MAPK10: variants seen among roughly 807,000 people sequenced by gnomAD.
MAPK10 encodes JNK3 alpha protein kinase.
Under a neutral mutation model 59.3 loss-of-function variants are expected in MAPK10, and 25 were observed. The ratio of observed to expected loss-of-function variants is 0.42; its 90% CI spans 0.31 to 0.59. MAPK10 has a LOEUF of 0.59. Ranked by LOEUF, MAPK10 falls within the 20% of genes least tolerant of loss-of-function variation. MAPK10 has a pLI of 0.15. For missense variants in MAPK10, 351 were observed against 568.9 expected, an observed-to-expected ratio of 0.62 and a Z score of 3.90; for synonymous variants, 190 against 200.5, an observed-to-expected ratio of 0.95 and a Z score of 0.44.
intron 12 of MAPK10, among the ~76,000 whole-genome samples, chr4:86,030,835 T>C (rs1560728226): frequency 6.6e-6 from 1 of 152,238 alleles, no homozygotes; most frequent in Non-Finnish European, 1.5e-5. Flanking sequence ...CTTTCTCATA[T>C]TTATTCTATT....
chr4:86,078,074 A>T, intron 9 of MAPK10, among the ~76,000 whole-genome samples: 1 of 152,214 alleles, frequency 6.6e-6, no homozygotes, highest in East Asian at 1.9e-4. Context: ...GATCTACAAG[A>T]TTCTGAGTCC....
chr4:86,454,482 C>T (rs1008715059), upstream of MAPK10, among the ~76,000 whole-genome samples: 2 of 151,988 alleles, frequency 1.3e-5, no homozygotes, highest in African/African-American at 4.8e-5. Context: ...TCTGGAAAGT[C>T]TCAGCAATAG....
At chr4:86,524,267 C>T (rs905344440) in intron 1 of MAPK10, among the ~76,000 whole-genome samples, 2 of 152,162 alleles carry the variant, frequency 1.3e-5, no homozygotes, top group Non-Finnish European at 2.9e-5. Context: ...GTTATGGTAA[C>T]ACAAAATTGA....
At chr4:86,198,160 A>G (rs2081823490) in intron 2 of MAPK10, among the ~76,000 whole-genome samples, 1 of 152,114 alleles carries the variant, frequency 6.6e-6, no homozygotes, top group South Asian at 2.1e-4. Flanking sequence ...CCATCTTGCT[A>G]AGGATGATTA....
intron 2 of MAPK10, among the ~76,000 whole-genome samples, chr4:86,260,047 A>G (rs2093924168): frequency 6.6e-6 from 1 of 152,116 alleles, no homozygotes; most frequent in Non-Finnish European, 1.5e-5. Flanking sequence ...TAAGTTAATA[A>G]TAGCCATTCA....
intron 1 of MAPK10, among the ~76,000 whole-genome samples, chr4:86,581,861 G>T (rs1762295477): frequency 7.3e-6 from 1 of 137,562 alleles, no homozygotes; most frequent in South Asian, 2.3e-4. Context: ...GCACTGATAA[G>T]TTTCTGGAAA....
At chr4:86,170,167 A>T (rs2073625020) in intron 3 of MAPK10, among the ~76,000 whole-genome samples, 1 of 152,078 alleles carries the variant, frequency 6.6e-6, no homozygotes, top group African/African-American at 2.4e-5. Context: ...GAGCAAAATA[A>T]CCAGCTAACA....
At chr4:86,163,772 T>C (rs2070676855) in intron 3 of MAPK10, among the ~76,000 whole-genome samples, 1 of 133,466 alleles carries the variant, frequency 7.5e-6, no homozygotes, top group Non-Finnish European at 1.5e-5. Flanking sequence ...AGAGGAATAA[T>C]TAAAAGTCAA....
chr4:86,538,250 G>A (rs1463483707), intron 1 of MAPK10, among the ~76,000 whole-genome samples: 2 of 151,884 alleles, frequency 1.3e-5, no homozygotes, highest in African/African-American at 2.4e-5. Flanking sequence ...AGGTTCAAGC[G>A]ATTCTCCTGC....
chr4:86,355,177 C>T (rs1733760115), intron 1 of MAPK10, among the ~76,000 whole-genome samples: 1 of 152,072 alleles, frequency 6.6e-6, no homozygotes, highest in African/African-American at 2.4e-5. Context: ...TGTTACTTCC[C>T]AACATTATAT....
intron 1 of MAPK10, among the ~76,000 whole-genome samples, chr4:86,560,087 A>G (rs1457873467): frequency 6.6e-6 from 1 of 152,234 alleles, no homozygotes; most frequent in African/African-American, 2.4e-5. Context: ...CTAATCATTT[A>G]ATTTCAGCAG....
chr4:86,082,443 A>G (rs1312044316), intron 9 of MAPK10: 1 of 152,182 alleles, frequency 6.6e-6, no homozygotes, highest in African/African-American at 2.4e-5. Flanking sequence ...CAACAGTTAA[A>G]TGTTGATTCA....
At chr4:86,507,603 G>C (rs1357580857) in intron 1 of MAPK10, among the ~76,000 whole-genome samples, 2 of 59,868 alleles carry the variant, frequency 3.3e-5, no homozygotes, top group African/African-American at 1.3e-4. Context: ...CTATTAAAAA[G>C]AATAAACTGG....
intron 1 of MAPK10, among the ~76,000 whole-genome samples, chr4:86,539,365 T>A (rs1027603551): frequency 2.0e-5 from 3 of 152,216 alleles, no homozygotes; most frequent in African/African-American, 7.2e-5. Flanking sequence ...GACATCGTCC[T>A]ACACTTTGCA....
At chr4:86,251,195 T>G (rs987282404) in intron 2 of MAPK10, among the ~76,000 whole-genome samples, 3 of 151,980 alleles carry the variant, frequency 2.0e-5, no homozygotes, top group Non-Finnish European at 4.4e-5. Context: ...TTAATTATAC[T>G]TTAAATTTTA....
intron 11 of MAPK10, chr4:86,031,678 G>T: frequency 2.4e-6 from 1 of 414,804 alleles, no homozygotes; most frequent in Non-Finnish European, 4.3e-6. Context: ...AATCCCGAGA[G>T]CTCACTTTCC....
At chr4:86,304,671 C>T (rs1262069039) in intron 2 of MAPK10, among the ~76,000 whole-genome samples, 3 of 152,070 alleles carry the variant, frequency 2.0e-5, no homozygotes, top group East Asian at 1.9e-4. Context: ...GGATTACAGG[C>T]GTGAGCCACC....
At chr4:86,353,220 G>C (rs1467124830) in intron 2 of MAPK10, among the ~76,000 whole-genome samples, 2 of 152,088 alleles carry the variant, frequency 1.3e-5, no homozygotes, top group Non-Finnish European at 2.9e-5. Flanking sequence ...ACACTCTTTA[G>C]AACACAACTA....
chr4:86,187,545 G>C (rs1184203854), intron 3 of MAPK10, among the ~76,000 whole-genome samples: 1 of 151,998 alleles, frequency 6.6e-6, no homozygotes, highest in Non-Finnish European at 1.5e-5. Context: ...TGAAACTGTG[G>C]AAACCGAAAC....
Sources: gnomAD v4.1 joint callset for allele counts (sites outside exome capture counted in the v4.1 genomes callset) on GRCh38, gnomAD v4.1.1 for gene constraint, MANE v1.5 for transcripts, NCBI Gene and HGNC (gene_info 2026-07-23, HGNC 2026-07-21) for gene names.